Variants in CLN6 observed in about 807,000 individuals in gnomAD.
CLN6 encodes CLN6 transmembrane ER protein.
CLN6 carries 22 observed loss-of-function variants against 33.3 expected under a neutral mutation model. The ratio of observed to expected loss-of-function variants is 0.66; its 90% CI spans 0.47 to 0.94. The LOEUF (loss-of-function observed/expected upper bound fraction) is 0.94, where lower values mean the gene tolerates loss of function less well. Ranked by LOEUF, CLN6 falls within the 40% of genes least tolerant of loss-of-function variation. The pLI is 0.00. For missense variants in CLN6, 387 were observed against 417.1 expected (o/e 0.93, Z 0.63); for synonymous variants, 201 against 174.6 (o/e 1.15, Z -1.19).
Position 68,209,016 on chromosome 15 carries a change from T to C in CLN6, c.666-606A>G, listed in dbSNP as rs2093196597. Among the ~76,000 whole-genome samples, 1 of 152,158 alleles carries C rather than the reference T, an allele frequency of 6.6e-6. No homozygotes were observed. Among genetic ancestry groups the C allele is most frequent in the African/African-American group, 2.4e-5 (1 of 41,448 alleles). The stretch of plus-strand genomic sequence containing the variant: ...TGCCCCGACCCTGTCCTTCCCATGA[T>C]ACCCACAATCCCAGGGTGACCTGTC... On this transcript the variant is annotated intron_variant, in intron 6 of 6. Transcript: ENST00000249806. The surrounding 1 kb of genome is among the most constrained non-coding windows in gnomAD (Gnocchi z 4.9).
intron 1 of CLN6, among the ~76,000 whole-genome samples, chr15:68,248,134 G>A (rs1444808341): frequency 6.6e-6 from 1 of 151,662 alleles, no homozygotes; most frequent in Non-Finnish European, 1.5e-5. Context: ...CATAAAAACA[G>A]ACACATAGAC....
chr15:68,246,381 A>C lies in CLN6; in HGVS notation c.179+10309T>G, dbSNP rs1425521721. On this transcript the variant is annotated intron_variant, in intron 1 of 6. Transcript: ENST00000538696. The surrounding 1 kb of genome is among the most constrained non-coding windows in gnomAD (Gnocchi z 4.5). ...TATATCAAATATATTTTCTGGCCAC[A>C]ATGGAATAAAACTGGAAATCAATAA... 6.6e-6 allele frequency among the ~76,000 whole-genome samples: 1 copy of C among 152,202 alleles called. No homozygotes were observed. Among genetic ancestry groups the C allele is most frequent in the African/African-American group, 2.4e-5 (1 of 41,424 alleles).
At position 68,229,678 on chromosome 15, in the gene CLN6, G is replaced by A. The variant is rs1160078533; in HGVS notation, c.-94C>T. On this transcript the variant is annotated 5_prime_UTR_variant, in exon 1 of 7. Coordinates refer to ENST00000249806, the MANE Select transcript of CLN6 (RefSeq NM_017882.3). ...GGAGGCCGCCGCAAATTCCCAGCGC[G>A]GGGCGGTTCGGGGCGGGCCGGCGAG... 1.0e-6 allele frequency: 1 copy of A among 987,038 alleles called. No homozygotes were observed. Among genetic ancestry groups the A allele is most frequent in the Non-Finnish European group, 1.3e-6 (1 of 741,354 alleles). 61.1% of individuals were successfully genotyped at this position (987,038 alleles called of 1,614,324 possible). A position where few individuals can be genotyped will look rare whatever the true frequency, so the allele number is the denominator to read the frequency against.
rs374426304 is a variant in CLN6 at position 68,211,359 on chromosome 15, T to A, written c.487-41A>T. On this transcript the variant is annotated intron_variant, in intron 4 of 6. Transcript: ENST00000249806. This position sits in a 1 kb window ranked among gnomAD's most constrained non-coding sequence, Gnocchi z 5.9. ...GCAGGGCAGAGTCGGGGGATGTCGA[T>A]GTCAGTCCAGGGAGGTGCTGGGGCC... The A allele has an allele frequency of 3.7e-6, 6 of 1,611,174 alleles. No individual in the cohort carries two copies. The highest frequency in any genetic ancestry group is 5.1e-6 in the Non-Finnish European group (6 of 1,177,862).
Position 68,214,321 on chromosome 15 carries a change from T to C in CLN6, c.266A>G (p.Tyr89Cys), listed in dbSNP as rs766809818. 1 of 1,614,036 alleles carries C rather than the reference T, an allele frequency of 6.2e-7. No individual in the cohort carries two copies. The highest frequency in any genetic ancestry group is 8.5e-7 in the Non-Finnish European group (1 of 1,179,882). Residue 89 changes from tyrosine (Y) to cysteine (C), a missense_variant, in exon 3 of 7, where the codon TAC becomes TGC. Tyr to Cys is a radical substitution (Grantham distance 194). Transcript: ENST00000249806. ...PSVGDYFHMA[Y>C]NVITPFLLLK... ...CAAGAGAAAGGGCGTGATGACGTTG[T>C]AGGCCATGTGGAAGTAGTCCCCAAC...
chr15:68,215,710 G>C (rs2093218844), intron 2 of CLN6: 1 of 152,088 alleles, frequency 6.6e-6, no homozygotes, highest in Non-Finnish European at 1.5e-5. Flanking sequence ...CTCCTGCCTT[G>C]GCCTCCCAAA....
At chr15:68,254,811 T>TG (rs1360468376) in intron 1 of CLN6, 2 of 1,089,784 alleles carry the variant, frequency 1.8e-6, no homozygotes, top group East Asian at 4.7e-5. Context: ...AGGGAAAAGC[T>TG]GAAGCTGGCA....
At chr15:68,240,099 G>A (rs2141161816) in intron 1 of CLN6, among the ~76,000 whole-genome samples, 1 of 152,164 alleles carries the variant, frequency 6.6e-6, no homozygotes, top group South Asian at 2.1e-4. Context: ...ATGGATGCAG[G>A]AAAAATAGTA....
In CLN6 at chr15:68,228,680, G is replaced by A. The variant is rs1309706230; in HGVS notation, c.83+822C>T. Among the ~76,000 whole-genome samples, 1 of 151,928 alleles carries A rather than the reference G, an allele frequency of 6.6e-6. No homozygotes were observed. The highest frequency in any genetic ancestry group is 6.6e-5 in the Admixed American group (1 of 15,240). On this transcript the variant is annotated intron_variant, in intron 1 of 6. Coordinates refer to ENST00000249806, the MANE Select transcript of CLN6 (RefSeq NM_017882.3). This position sits in a 1 kb window ranked among gnomAD's most constrained non-coding sequence, Gnocchi z 4.4. ...AAGTCCTCTGAGACTCAGCTCAAGTGCCACTTCCTCCATGAAGCCCTCCAA... is the reference window on the plus strand; with the variant it reads ...AAGTCCTCTGAGACTCAGCTCAAGTACCACTTCCTCCATGAAGCCCTCCAA...
Position 68,210,506 on chromosome 15 carries a change from G to A in CLN6, c.543-747C>T, listed in dbSNP as rs999987468. The stretch of plus-strand genomic sequence containing the variant: ...GGCCCGAAACACCCTGGAAATGCCC[G>A]TGCAGGGTGCGTGTGCTGTGAGCAC... On this transcript the variant is annotated intron_variant, in intron 5 of 6. Transcript: ENST00000249806. This position sits in a 1 kb window ranked among gnomAD's most constrained non-coding sequence, Gnocchi z 5.6. 1.3e-5 allele frequency among the ~76,000 whole-genome samples: 2 copies of A among 152,208 alleles called. No homozygotes were observed. The highest frequency in any genetic ancestry group is 2.9e-5 in the Non-Finnish European group (2 of 68,038).
Position 68,219,390 on chromosome 15 carries a change from T to C in CLN6, c.84-740A>G, listed in dbSNP as rs934371113. Among the ~76,000 whole-genome samples the C allele has an allele frequency of 1.3e-5, 2 of 152,166 alleles. No individual in the cohort carries two copies. The highest frequency in any genetic ancestry group is 4.8e-5 in the African/African-American group (2 of 41,428). ...GGTCAGGTTGGGCTGCTGGTAATCC[T>C]CTTCTCAGCAGTCCACAGTAGAACC... On this transcript the variant is annotated intron_variant, in intron 1 of 6. Transcript: ENST00000249806. This position sits in a 1 kb window ranked among gnomAD's most constrained non-coding sequence, Gnocchi z 4.2.
upstream of CLN6, among the ~76,000 whole-genome samples, chr15:68,232,074 G>C (rs988857089): frequency 6.6e-6 from 1 of 152,026 alleles, no homozygotes; most frequent in African/African-American, 2.4e-5. The surrounding 1 kb of genome is among the most constrained non-coding windows in gnomAD (Gnocchi z 4.7). Context: ...CAGCTGAGAA[G>C]GTCCTTTGGT....
chr15:68,252,189 G>A (rs1053213018), intron 1 of CLN6, among the ~76,000 whole-genome samples: 10 of 152,002 alleles, frequency 6.6e-5, no homozygotes, highest in Middle Eastern at 3.2e-3. Flanking sequence ...GGTCTGGCTC[G>A]TTTTGAACTC....
rs184305423 is a variant in CLN6, at chr15:68,219,117, C to T, written c.84-467G>A. Among the ~76,000 whole-genome samples the T allele has an allele frequency of 5.9e-5, 9 of 152,112 alleles. No homozygotes were observed. Among genetic ancestry groups the T allele is most frequent in the Non-Finnish European group, 8.8e-5 (6 of 68,018 alleles). Reference sequence around the variant, plus strand: ...TGAAATATTACCTCCATTTTAGAAACGAAAAAACTGAGGCCCAAGAGGCTC... The same window carrying T: ...TGAAATATTACCTCCATTTTAGAAATGAAAAAACTGAGGCCCAAGAGGCTC... On this transcript the variant is annotated intron_variant, in intron 1 of 6. Coordinates refer to ENST00000249806, the MANE Select transcript of CLN6 (RefSeq NM_017882.3). This position sits in a 1 kb window ranked among gnomAD's most constrained non-coding sequence, Gnocchi z 4.2.
exon 1 of CLN6, chr15:68,257,058 C>G (rs9672683): frequency 0.97 from 454,089 of 468,240 alleles, 221,513 homozygotes; most frequent in South Asian, 1. Context: ...TGGTGCCATG[C>G]GGTTGGGCCG....
chr15:68,238,467 A>G (rs1204180461), intron 1 of CLN6, among the ~76,000 whole-genome samples: 3 of 152,154 alleles, frequency 2.0e-5, no homozygotes, highest in Non-Finnish European at 4.4e-5. Flanking sequence ...CAAAGCTCCA[A>G]AAGCAAAGAT....
intron 1 of CLN6, among the ~76,000 whole-genome samples, chr15:68,237,256 G>T (rs1205976206): frequency 1.3e-5 from 2 of 150,942 alleles, no homozygotes; most frequent in Non-Finnish European, 2.9e-5. Flanking sequence ...AGGGTGGGAG[G>T]ATCACTTGAG....
In CLN6 at chr15:68,211,419, C is replaced by T; in HGVS notation, c.487-101G>A. 6.5e-7 allele frequency: 1 copy of T among 1,536,288 alleles called. No homozygotes were observed. The highest frequency in any genetic ancestry group is 1.7e-5 in the Admixed American group (1 of 58,920). On this transcript the variant is annotated intron_variant, in intron 4 of 6. Transcript: ENST00000249806. This position sits in a 1 kb window ranked among gnomAD's most constrained non-coding sequence, Gnocchi z 5.9. ...CCCTCTGACCACCCTTCTCCCAGTC[C>T]CAGGCCTCCCCCACTGCCTTATTCC...
chr15:68,226,418 G>A (rs988573507), intron 1 of CLN6, among the ~76,000 whole-genome samples: 1 of 151,772 alleles, frequency 6.6e-6, no homozygotes, highest in Non-Finnish European at 1.5e-5. Flanking sequence ...TTAACTTCTT[G>A]GGCCTTAATG....
Sources: gnomAD v4.1 joint callset for allele counts (sites outside exome capture counted in the v4.1 genomes callset) on GRCh38, gnomAD v4.1.1 for gene constraint, Gnocchi (gnomAD v3.1) non-coding constraint, MANE v1.5 for transcripts, NCBI Gene and HGNC (gene_info 2026-07-23, HGNC 2026-07-21) for gene names.